The following KIF26B variants were observed in gnomAD, a reference collection of about 807,000 sequenced individuals.
The protein encoded by KIF26B is kinesin-like protein KIF26B.
A neutral mutation model predicts 151.2 loss-of-function variants in KIF26B; 63 were observed. The ratio of observed to expected loss-of-function variants is 0.42; its 90% CI spans 0.34 to 0.51. The LOEUF (loss-of-function observed/expected upper bound fraction) is 0.51, where lower values mean the gene tolerates loss of function less well. KIF26B is among the 20% of genes least tolerant of loss of function. The pLI is 0.07. For synonymous variants in KIF26B, 1,357 were observed against 1,262.1 expected (o/e 1.08, Z -1.59); for missense variants, 2,813 against 2,913.6 (o/e 0.97, Z 0.79).
intron 4 of KIF26B, among the ~76,000 whole-genome samples, chr1:245,487,764 AT>A (rs11413237): frequency 0.056 from 7,428 of 132,506 alleles, 480 homozygotes; most frequent in African/African-American, 0.15. Flanking sequence ...CATCCAGCTA[AT>A]TTTTTTTTTT....
At position 245,512,865 on chromosome 1, in the gene KIF26B, A is replaced by C. The variant is rs189291699; in HGVS notation, c.1167-27902A>C. Among the ~76,000 whole-genome samples, 489 of 152,278 alleles carry C rather than the reference A, an allele frequency of 3.2e-3. 2 individuals are homozygous for C. Among genetic ancestry groups the C allele is most frequent in the African/African-American group, 0.011 (440 of 41,572 alleles). On this transcript the variant is annotated intron_variant, in intron 4 of 14. Transcript: ENST00000407071. The surrounding 1 kb of genome is among the most constrained non-coding windows in gnomAD (Gnocchi z 4.3). ...GAAGCAGAGTGGAAAACCTAGAGCAAAAATCATGCCGGGGAAAGGAAAATC... is the reference window on the plus strand; with the variant it reads ...GAAGCAGAGTGGAAAACCTAGAGCACAAATCATGCCGGGGAAAGGAAAATC...
intron 2 of KIF26B, among the ~76,000 whole-genome samples, chr1:245,305,306 C>T (rs1249871442): frequency 6.6e-6 from 1 of 152,038 alleles, no homozygotes; most frequent in East Asian, 1.9e-4. Flanking sequence ...ATGACAAAAG[C>T]AACCCACAGA....
At chr1:245,365,560 G>C (rs1309767128) in intron 2 of KIF26B, among the ~76,000 whole-genome samples, 1 of 150,578 alleles carries the variant, frequency 6.6e-6, no homozygotes, top group Non-Finnish European at 1.5e-5. Context: ...AGCTCTGATG[G>C]GGCTTCTACC....
At chr1:245,532,779 C>A (rs988384578) in intron 4 of KIF26B, among the ~76,000 whole-genome samples, 21 of 151,690 alleles carry the variant, frequency 1.4e-4, no homozygotes, top group Non-Finnish European at 2.2e-4. Flanking sequence ...AAAAAAAAAA[C>A]CCCAGCCCCA....
intron 9 of KIF26B, among the ~76,000 whole-genome samples, chr1:245,623,651 ATG>A (rs1186829873): frequency 6.6e-6 from 1 of 152,230 alleles, no homozygotes; most frequent in Non-Finnish European, 1.5e-5. Flanking sequence ...ATCTGACCGC[ATG>A]TGACAGGTCA....
At chr1:245,335,071 C>T (rs1257155297) in intron 2 of KIF26B, among the ~76,000 whole-genome samples, 1 of 152,128 alleles carries the variant, frequency 6.6e-6, no homozygotes, top group African/African-American at 2.4e-5. Flanking sequence ...CCACTGAGGC[C>T]CAGCACCAGT....
In KIF26B at chr1:245,698,211, G is replaced by A. The variant is rs199877266; in HGVS notation, c.5930G>A (p.Arg1977Gln). 1.6e-4 allele frequency: 265 copies of A among 1,613,888 alleles called. No homozygotes were observed. The highest frequency in any genetic ancestry group is 1.5e-4 in the Non-Finnish European group (181 of 1,179,906). ...GTCCGCTGGGTGGATGGCCCCTTGC[G>A]GAGCAGCCCGAGGGGCCTTGGGGAA... ...TGVRWVDGPL[R>Q]SSPRGLGEPF... is the part of the protein sequence containing the mutation. The change falls in exon 13 of 15, where the codon CGG becomes CAG. Residue 1977 changes from arginine to glutamine, a missense_variant. Physicochemically the swap from Arg to Gln is conservative, Grantham distance 43. This residue lies in a region of KIF26B where 2,060 missense variants were observed against 2,088.6 expected (regional missense o/e 0.99). Coordinates refer to ENST00000407071, the MANE Select transcript of KIF26B (RefSeq NM_018012.4). The surrounding 1 kb of genome is among the most constrained non-coding windows in gnomAD (Gnocchi z 4.0).
chr1:245,451,188 T>C (rs1422602002), intron 4 of KIF26B, among the ~76,000 whole-genome samples: 1 of 152,194 alleles, frequency 6.6e-6, no homozygotes, highest in Non-Finnish European at 1.5e-5. Flanking sequence ...TGGAATTTAA[T>C]GCTTTTTAAA....
chr1:245,228,364 C>T (rs544261259), intron 2 of KIF26B, among the ~76,000 whole-genome samples: 7 of 152,134 alleles, frequency 4.6e-5, no homozygotes, highest in South Asian at 2.1e-4. Flanking sequence ...GTCGGGAGTT[C>T]GAGACCAGCC....
In KIF26B at chr1:245,532,239, TTTTCTTTTC is replaced by T. The variant is rs1489970200; in HGVS notation, c.1167-8524_1167-8516del. On this transcript the variant is annotated intron_variant, in intron 4 of 14. Coordinates refer to ENST00000407071, the MANE Select transcript of KIF26B (RefSeq NM_018012.4). Reference sequence around the variant, plus strand: ...TTCTTTTTTCTTTTCTTTTCTTTTCTTTTCTTTTCTTTTTTTTTTTTTTTGAGACAGAGT... The same window carrying T: ...TTCTTTTTTCTTTTCTTTTCTTTTCTTTTTTTTTTTTTTTTGAGACAGAGT... Among the ~76,000 whole-genome samples, 923 of 100,454 alleles carry T rather than the reference TTTTCTTTTC, an allele frequency of 9.2e-3. 1 individual carries two copies. The highest frequency in any genetic ancestry group is 0.021 in the Middle Eastern group (3 of 144). 65.9% of individuals were successfully genotyped at this position (100,454 alleles called of 152,430 possible).
chr1:245,699,968 G>GGACTT (rs2044746619), intron 14 of KIF26B, among the ~76,000 whole-genome samples: 1 of 152,256 alleles, frequency 6.6e-6, no homozygotes. Flanking sequence ...GAAAGTGGCA[G>GGACTT]GACTTGTCAG....
At chr1:245,290,536 T>C (rs1671238286) in intron 2 of KIF26B, among the ~76,000 whole-genome samples, 2 of 152,240 alleles carry the variant, frequency 1.3e-5, no homozygotes, top group Non-Finnish European at 2.9e-5. Context: ...GATGTTGCCA[T>C]GGCATTTGTA....
intron 10 of KIF26B, among the ~76,000 whole-genome samples, chr1:245,647,228 A>G (rs1251613279): frequency 6.6e-6 from 1 of 152,070 alleles, no homozygotes; most frequent in Non-Finnish European, 1.5e-5. Context: ...GATTGAGACC[A>G]TCCTGGCTAA....
intron 4 of KIF26B, among the ~76,000 whole-genome samples, chr1:245,518,893 A>G (rs1231581033): frequency 6.6e-6 from 1 of 152,168 alleles, no homozygotes; most frequent in East Asian, 1.9e-4. Flanking sequence ...GTTAGTGAGG[A>G]CTGCTACACT....
chr1:245,366,408 T>A (rs1001343956), intron 2 of KIF26B, among the ~76,000 whole-genome samples: 1 of 151,724 alleles, frequency 6.6e-6, no homozygotes, highest in Non-Finnish European at 1.5e-5. Context: ...GGTGGGCGCC[T>A]GTAGTCCCAG....
At position 245,679,462 on chromosome 1, in the gene KIF26B, T is replaced by G. The variant is rs1194425185; in HGVS notation, c.2259-4771T>G. ...TTTGTGTTTTTTTTGTGTGTGTTTT[T>G]TTTTTTTTTTTTTTTTTTTTTTTTG... On this transcript the variant is annotated intron_variant, in intron 10 of 14. Transcript: ENST00000407071. 2.5e-3 allele frequency among the ~76,000 whole-genome samples: 301 copies of G among 118,446 alleles called. 7 individuals carry two copies. Among genetic ancestry groups the G allele is most frequent in the African/African-American group, 8.8e-3 (220 of 24,874 alleles). 77.7% of individuals were successfully genotyped at this position (118,446 alleles called of 152,430 possible). A position where few individuals can be genotyped will look rare whatever the true frequency, so the allele number is the denominator to read the frequency against.
chr1:245,274,687 C>T (rs575678513), intron 2 of KIF26B, among the ~76,000 whole-genome samples: 1 of 152,306 alleles, frequency 6.6e-6, no homozygotes, highest in Non-Finnish European at 1.5e-5. Flanking sequence ...CCGCAATAAA[C>T]ATATGTGTGC....
At chr1:245,539,721 G>C (rs551374400) in intron 4 of KIF26B, among the ~76,000 whole-genome samples, 308 of 152,178 alleles carry the variant, frequency 2.0e-3, no homozygotes, top group African/African-American at 7.2e-3. Flanking sequence ...GGCGCTATCT[G>C]GGCTCACTGC....
At chr1:245,577,185 C>T (rs1007511625) in intron 5 of KIF26B, among the ~76,000 whole-genome samples, 7 of 152,132 alleles carry the variant, frequency 4.6e-5, no homozygotes, top group South Asian at 2.1e-4. Context: ...CACAGGGGCA[C>T]GAGTGATGTC....
Sources: gnomAD v4.1 joint callset for allele counts (sites outside exome capture counted in the v4.1 genomes callset) on GRCh38, gnomAD v4.1.1 for gene constraint, gnomAD v4.1.1 regional missense constraint, Gnocchi (gnomAD v3.1) non-coding constraint, MANE v1.5 for transcripts, NCBI Gene and HGNC (gene_info 2026-07-23, HGNC 2026-07-21) for gene names.